The following SCMH1 variants were observed in gnomAD, a reference collection of about 807,000 sequenced individuals.
The protein encoded by SCMH1 is polycomb protein SCMH1.
Under a neutral mutation model 70.8 loss-of-function variants are expected in SCMH1, and 37 were observed. The observed-to-expected ratio is 0.52, with a 90% CI of 0.40 to 0.69. The LOEUF (loss-of-function observed/expected upper bound fraction) is 0.69, where lower values mean the gene tolerates loss of function less well. SCMH1 is among the 30% of genes least tolerant of loss of function. SCMH1 has a pLI of 0.00. For synonymous variants in SCMH1, 292 were observed against 307.4 expected, an observed-to-expected ratio of 0.95 and a Z score of 0.52; for missense variants, 607 against 827.3, an observed-to-expected ratio of 0.73 and a Z score of 3.27.
chr1:41,078,115 C>T (rs1451782877), intron 8 of SCMH1, among the ~76,000 whole-genome samples: 1 of 151,958 alleles, frequency 6.6e-6, no homozygotes, highest in Admixed American at 6.6e-5. Context: ...TTAGGAATAA[C>T]TCATTGCATG....
rs903920887 is a variant in SCMH1, at chr1:41,122,096, G to A, written c.413-5086C>T. Among the ~76,000 whole-genome samples, 7 of 152,080 alleles carry A rather than the reference G, an allele frequency of 4.6e-5. No individual in the cohort carries two copies. The South Asian group carries it at 6.2e-4, about 14-fold the overall frequency. ...CTACTTTTGCAGCCAGAATAATATG[G>A]TTATGTTTTTAAAAATATAAATCAG... On this transcript the variant is annotated intron_variant, in intron 6 of 14. Coordinates refer to ENST00000337495, the Ensembl canonical transcript of SCMH1.
intron 13 of SCMH1, 69 bp from the exon 14 acceptor site, chr1:41,034,117 G>C: frequency 6.5e-7 from 1 of 1,547,850 alleles, no homozygotes; most frequent in South Asian, 1.2e-5. Context: ...ATATGAGGAA[G>C]ACCTGAGAGG....
At chr1:41,135,658 C>T (rs1319668616) in intron 6 of SCMH1, among the ~76,000 whole-genome samples, 2 of 152,196 alleles carry the variant, frequency 1.3e-5, no homozygotes, top group African/African-American at 4.8e-5. Context: ...CGGACTAATA[C>T]AAGGCCTTTT....
chr1:41,190,807 T>C (rs1052300495), intron 1 of SCMH1, among the ~76,000 whole-genome samples: 3 of 152,206 alleles, frequency 2.0e-5, no homozygotes, highest in African/African-American at 7.2e-5. Flanking sequence ...CTCTTCTGCG[T>C]CTCCATCTAC....
At chr1:41,196,201 A>G (rs978800855) in intron 1 of SCMH1, among the ~76,000 whole-genome samples, 1 of 152,176 alleles carries the variant, frequency 6.6e-6, no homozygotes, top group Non-Finnish European at 1.5e-5. Context: ...ATTTTTGCAC[A>G]AATAGAAAAA....
At chr1:41,165,266 T>A (rs78723838) in intron 2 of SCMH1, among the ~76,000 whole-genome samples, 1,667 of 152,262 alleles carry the variant, frequency 0.011, 37 homozygotes, top group African/African-American at 0.037. Flanking sequence ...ACCACATTTT[T>A]AAATCCATTC....
At chr1:41,129,243 C>T (rs1042919016) in intron 6 of SCMH1, among the ~76,000 whole-genome samples, 7 of 152,070 alleles carry the variant, frequency 4.6e-5, no homozygotes, top group Admixed American at 1.3e-4. Context: ...TTAAAGTGTA[C>T]AGTTCTGTGA....
At chr1:41,096,778 C>T (rs1665190243) in intron 8 of SCMH1, among the ~76,000 whole-genome samples, 1 of 151,940 alleles carries the variant, frequency 6.6e-6, no homozygotes, top group Non-Finnish European at 1.5e-5. Flanking sequence ...GTATCTTTTT[C>T]TTTCTCCTTT....
At chr1:41,232,762 C>T (rs1573286158) in intron 1 of SCMH1, among the ~76,000 whole-genome samples, 1 of 152,168 alleles carries the variant, frequency 6.6e-6, no homozygotes, top group East Asian at 1.9e-4. Flanking sequence ...TAGTACAGTA[C>T]ATTATATAGA....
intron 5 of SCMH1, among the ~76,000 whole-genome samples, chr1:41,146,372 A>G (rs192022682): frequency 2.0e-5 from 3 of 152,286 alleles, no homozygotes; most frequent in African/African-American, 7.2e-5. Flanking sequence ...AGAATGAAAA[A>G]TTTTTAAATA....
At chr1:41,049,328 G>GTGTGTA (rs1558444031) in intron 10 of SCMH1, among the ~76,000 whole-genome samples, 1 of 151,828 alleles carries the variant, frequency 6.6e-6, no homozygotes, top group African/African-American at 2.4e-5. Flanking sequence ...GTGTGTGTGT[G>GTGTGTA]TGTATGTATG....
At chr1:41,155,811 G>A (rs543948835) in intron 4 of SCMH1, among the ~76,000 whole-genome samples, 30 of 151,796 alleles carry the variant, frequency 2.0e-4, no homozygotes, top group African/African-American at 5.8e-4. Context: ...ATGAAACCTC[G>A]TCTCTACTAA....
At chr1:41,094,378 C>T (rs973010167) in intron 8 of SCMH1, among the ~76,000 whole-genome samples, 1 of 151,958 alleles carries the variant, frequency 6.6e-6, no homozygotes, top group Non-Finnish European at 1.5e-5. Flanking sequence ...CAAATATTAA[C>T]CCAGTAAAAA....
chr1:41,215,840 T>C (rs1179694633), intron 1 of SCMH1, among the ~76,000 whole-genome samples: 2 of 152,202 alleles, frequency 1.3e-5, no homozygotes, highest in African/African-American at 4.8e-5. Context: ...GGATCCAATA[T>C]ACTGCCTGAC....
At chr1:41,039,998 A>G (rs764699541) in intron 12 of SCMH1, among the ~76,000 whole-genome samples, 5 of 152,160 alleles carry the variant, frequency 3.3e-5, no homozygotes, top group African/African-American at 7.2e-5. Context: ...AAACAAAACA[A>G]ACTTTGAAAT....
At chr1:41,076,575 G>A (rs1362358604) in intron 8 of SCMH1, among the ~76,000 whole-genome samples, 2 of 152,170 alleles carry the variant, frequency 1.3e-5, no homozygotes, top group Non-Finnish European at 2.9e-5. Flanking sequence ...GTAGTGCTAA[G>A]TGCTGTGATT....
At chr1:41,218,836 A>C (rs1658644446) in intron 1 of SCMH1, among the ~76,000 whole-genome samples, 1 of 152,230 alleles carries the variant, frequency 6.6e-6, no homozygotes, top group Non-Finnish European at 1.5e-5. Flanking sequence ...ACCATGTGTT[A>C]TATAATTTGT....
chr1:41,200,957 C>T (rs1159852674), intron 1 of SCMH1, among the ~76,000 whole-genome samples: 1 of 152,096 alleles, frequency 6.6e-6, no homozygotes, highest in African/African-American at 2.4e-5. Flanking sequence ...CACACACTGC[C>T]TAAGCAGACC....
At chr1:41,057,042 C>T (rs1650573502) in intron 10 of SCMH1, among the ~76,000 whole-genome samples, 1 of 152,050 alleles carries the variant, frequency 6.6e-6, no homozygotes, top group South Asian at 2.1e-4. Flanking sequence ...CAACTCCAGC[C>T]AATGCTAGCC....
Sources: gnomAD v4.1 joint callset for allele counts (sites outside exome capture counted in the v4.1 genomes callset) on GRCh38, gnomAD v4.1.1 for gene constraint, MANE v1.5 for transcripts, NCBI Gene and HGNC (gene_info 2026-07-23, HGNC 2026-07-21) for gene names.